Variants in ANKRD33B observed in about 807,000 individuals in gnomAD.
ANKRD33B encodes the protein ankyrin repeat domain 33B.
Under a neutral mutation model 21.5 loss-of-function variants are expected in ANKRD33B, and 6 were observed. That is an observed-to-expected ratio of 0.28 (90% CI 0.15 to 0.55). The LOEUF (loss-of-function observed/expected upper bound fraction) is 0.55. Ranked by LOEUF, ANKRD33B falls within the 20% of genes least tolerant of loss-of-function variation. The pLI is 0.94. For missense variants in ANKRD33B, 698 were observed against 747.2 expected, an observed-to-expected ratio of 0.93 and a Z score of 0.77; for synonymous variants, 347 against 342.4, an observed-to-expected ratio of 1.01 and a Z score of -0.15.
Position 10,652,163 on chromosome 5 carries a change from C to T in ANKRD33B, c.*2050C>T, listed in dbSNP as rs1737373436. Reference sequence around the variant, plus strand: ...ACGGCATTACCAAGTCACCACGAGCCCCACCCTCACCTCTGTCAACCGAGG... The same window carrying T: ...ACGGCATTACCAAGTCACCACGAGCTCCACCCTCACCTCTGTCAACCGAGG... On this transcript the variant is annotated 3_prime_UTR_variant, in exon 4 of 4. Transcript: ENST00000296657. The surrounding 1 kb of genome is among the most constrained non-coding windows in gnomAD (Gnocchi z 4.1). The T allele has an allele frequency of 6.6e-6, 1 of 152,424 alleles. No homozygotes were observed. The highest frequency in any genetic ancestry group is 2.1e-4 in the South Asian group (1 of 4,830). The allele number at this position is 152,424 out of a possible 1,614,324, so 9.4% of individuals were successfully genotyped here.
At position 10,564,379 on chromosome 5, in the gene ANKRD33B, G is replaced by A; in HGVS notation, c.-89G>A. On this transcript the variant is annotated 5_prime_UTR_variant, in exon 1 of 4. Transcript: ENST00000296657. Reference sequence around the variant, plus strand: ...GGGCCACGGCTTCTCTGGGGACGCAGAAGCGAGAAGCGGGGACCTCGGCGC... The same window carrying A: ...GGGCCACGGCTTCTCTGGGGACGCAAAAGCGAGAAGCGGGGACCTCGGCGC... The A allele has an allele frequency of 1.1e-6, 1 of 907,560 alleles. No homozygotes were observed. 56.2% of individuals were successfully genotyped at this position (907,560 alleles called of 1,614,324 possible).
rs554258751 is a variant in ANKRD33B at position 10,584,332 on chromosome 5, G to A, written c.366+19499G>A. ...AGGCTGAAGTGGGCTGATCACTTGAGCTTGGGAGTTCAAGACCAGTCTGGG... is the reference window on the plus strand; with the variant it reads ...AGGCTGAAGTGGGCTGATCACTTGAACTTGGGAGTTCAAGACCAGTCTGGG... On this transcript the variant is annotated intron_variant, in intron 1 of 3. Coordinates refer to ENST00000296657, the MANE Select transcript of ANKRD33B (RefSeq NM_001164440.2). Among the ~76,000 whole-genome samples the A allele has an allele frequency of 3.9e-5, 6 of 152,268 alleles. No individual in the cohort carries two copies. In the South Asian group the frequency reaches 1.2e-3, roughly 32 times the overall value.
intron 1 of ANKRD33B, among the ~76,000 whole-genome samples, chr5:10,606,978 A>G (rs1285410058): frequency 1.3e-5 from 2 of 151,764 alleles, no homozygotes. Context: ...TGATCCACCC[A>G]CCTCAGCCTC....
chr5:10,577,710 G>A (rs1282238342), intron 1 of ANKRD33B, among the ~76,000 whole-genome samples: 1 of 152,224 alleles, frequency 6.6e-6, no homozygotes, highest in African/African-American at 2.4e-5. Context: ...CCTAAAAATA[G>A]CAGCAGTGAC....
In ANKRD33B at chr5:10,619,940, G is replaced by C. The variant is rs1051381337; in HGVS notation, c.496+1478G>C. The stretch of plus-strand genomic sequence containing the variant: ...TGAAGTTCATGATAAGGTCTTGCAA[G>C]AAGGGGATTTGAGCTGGGGCTGAGA... On this transcript the variant is annotated intron_variant, in intron 2 of 3. Transcript: ENST00000296657. This position sits in a 1 kb window ranked among gnomAD's most constrained non-coding sequence, Gnocchi z 4.5. 6.6e-6 allele frequency among the ~76,000 whole-genome samples: 1 copy of C among 152,176 alleles called. No individual in the cohort carries two copies. The highest frequency in any genetic ancestry group is 2.4e-5 in the African/African-American group (1 of 41,434).
At chr5:10,613,051 T>TG (rs1395564865) in intron 1 of ANKRD33B, among the ~76,000 whole-genome samples, 2 of 152,284 alleles carry the variant, frequency 1.3e-5, no homozygotes, top group Non-Finnish European at 2.9e-5. Flanking sequence ...CTTTTTCTTC[T>TG]GGGGCATCAG....
chr5:10,637,064 C>T (rs555831139), intron 2 of ANKRD33B, among the ~76,000 whole-genome samples: 1 of 152,320 alleles, frequency 6.6e-6, no homozygotes, highest in Admixed American at 6.5e-5. Context: ...CTGGGACGGA[C>T]CCTGCTCCAG....
intron 1 of ANKRD33B, among the ~76,000 whole-genome samples, chr5:10,570,244 A>G (rs1314458043): frequency 6.6e-6 from 1 of 152,212 alleles, no homozygotes; most frequent in African/African-American, 2.4e-5. Context: ...CCAAATAGCT[A>G]CAAAACCTTA....
At chr5:10,626,377 C>T (rs1394443810) in intron 2 of ANKRD33B, among the ~76,000 whole-genome samples, 2 of 152,214 alleles carry the variant, frequency 1.3e-5, no homozygotes, top group African/African-American at 4.8e-5. Context: ...CTCCTTTCCC[C>T]TGAGTGTCCA....
At chr5:10,600,460 A>G (rs1024343623) in intron 1 of ANKRD33B, among the ~76,000 whole-genome samples, 7 of 152,366 alleles carry the variant, frequency 4.6e-5, no homozygotes, top group East Asian at 3.8e-4. Context: ...TGTAATATGC[A>G]TGAGATCCAC....
intron 1 of ANKRD33B, among the ~76,000 whole-genome samples, chr5:10,572,035 C>A (rs1048682789): frequency 1.3e-5 from 2 of 152,152 alleles, no homozygotes; most frequent in East Asian, 3.9e-4. Context: ...ATTACAGGCA[C>A]CCGCCACCAT....
Position 10,653,896 on chromosome 5 carries a change from G to C in ANKRD33B, c.*3783G>C, listed in dbSNP as rs1737418748. 6.6e-6 allele frequency: 1 copy of C among 152,398 alleles called. No homozygotes were observed. The highest frequency in any genetic ancestry group is 1.5e-5 in the Non-Finnish European group (1 of 68,082). The allele number at this position is 152,398 out of a possible 1,614,324, so 9.4% of individuals were successfully genotyped here. A position where few individuals can be genotyped will look rare whatever the true frequency, so the allele number is the denominator to read the frequency against. The stretch of plus-strand genomic sequence containing the variant: ...CTGGATCTGCCATGTGGTTCAGGGA[G>C]GAGGGGACCGATGAGCACCGACCCC... On this transcript the variant is annotated 3_prime_UTR_variant, in exon 4 of 4. Coordinates refer to ENST00000296657, the MANE Select transcript of ANKRD33B (RefSeq NM_001164440.2).
chr5:10,644,937 A>T (rs1322644438), intron 3 of ANKRD33B, among the ~76,000 whole-genome samples: 1 of 152,194 alleles, frequency 6.6e-6, no homozygotes, highest in Admixed American at 6.5e-5. Context: ...ACCAATGAGC[A>T]GGTTCCTCTT....
chr5:10,653,174 C>G lies in ANKRD33B; in HGVS notation c.*3061C>G, dbSNP rs1737399315. 1 of 153,130 alleles carries G rather than the reference C, an allele frequency of 6.5e-6. No individual in the cohort carries two copies. Among genetic ancestry groups the G allele is most frequent in the South Asian group, 2.0e-4 (1 of 4,914 alleles). The allele number at this position is 153,130 out of a possible 1,614,324, so 9.5% of individuals were successfully genotyped here. A position where few individuals can be genotyped will look rare whatever the true frequency, so the allele number is the denominator to read the frequency against. On this transcript the variant is annotated 3_prime_UTR_variant, in exon 4 of 4. Coordinates refer to ENST00000296657, the MANE Select transcript of ANKRD33B (RefSeq NM_001164440.2). ...TAGCTGTGGCCTGCCTGTGGACAGC[C>G]CTTCCCTTTGGCCCATGCGGCGGGT...
intron 1 of ANKRD33B, among the ~76,000 whole-genome samples, chr5:10,574,348 A>G (rs868705098): frequency 1.3e-5 from 2 of 152,276 alleles, no homozygotes; most frequent in Non-Finnish European, 2.9e-5. Flanking sequence ...GCCAAGCTCA[A>G]GAAAATTCAA....
At chr5:10,571,260 G>A (rs1351771836) in intron 1 of ANKRD33B, among the ~76,000 whole-genome samples, 1 of 152,128 alleles carries the variant, frequency 6.6e-6, no homozygotes, top group African/African-American at 2.4e-5. Flanking sequence ...GGAGTGCAGT[G>A]GTGCGATCTC....
chr5:10,635,461 T>C (rs1736834051), intron 2 of ANKRD33B, among the ~76,000 whole-genome samples: 1 of 151,976 alleles, frequency 6.6e-6, no homozygotes, highest in Admixed American at 6.6e-5. Context: ...TGTAAATGAG[T>C]CAAAAAAGCA....
chr5:10,611,073 A>T (rs1022788886), intron 1 of ANKRD33B, among the ~76,000 whole-genome samples: 2 of 152,156 alleles, frequency 1.3e-5, no homozygotes, highest in African/African-American at 4.8e-5. Context: ...ATAAAAATAT[A>T]TTGTTTATGG....
chr5:10,605,997 C>T (rs1026284730), intron 1 of ANKRD33B, among the ~76,000 whole-genome samples: 1 of 152,192 alleles, frequency 6.6e-6, no homozygotes, highest in African/African-American at 2.4e-5. Context: ...TTCAGGTCAA[C>T]GGTTAACAGG....
Sources: gnomAD v4.1 joint callset for allele counts (sites outside exome capture counted in the v4.1 genomes callset) on GRCh38, gnomAD v4.1.1 for gene constraint, Gnocchi (gnomAD v3.1) non-coding constraint, MANE v1.5 for transcripts, NCBI Gene and HGNC (gene_info 2026-07-23, HGNC 2026-07-21) for gene names.